The following AMBRA1 variants were observed in gnomAD, a reference collection of about 807,000 sequenced individuals.
The protein encoded by AMBRA1 is autophagy and beclin 1 regulator 1.
AMBRA1 carries 47 observed loss-of-function variants against 125.4 expected under a neutral mutation model. The observed-to-expected ratio is 0.37, with a 90% CI of 0.30 to 0.48. The LOEUF (loss-of-function observed/expected upper bound fraction) is 0.48. AMBRA1 is among the 20% of genes least tolerant of loss of function. The pLI is 0.99. For synonymous variants in AMBRA1, 626 were observed against 655.5 expected (o/e 0.95, Z 0.69); for missense variants, 1,331 against 1,693.4 (o/e 0.79, Z 3.76).
intron 7 of AMBRA1, among the ~76,000 whole-genome samples, chr11:46,532,020 G>A (rs1952238073): frequency 6.6e-6 from 1 of 152,058 alleles, no homozygotes; most frequent in Admixed American, 6.5e-5. Context: ...TCAGGAGGCT[G>A]AGGCAGGAGA....
At chr11:46,525,375 T>G (rs561559324) in intron 7 of AMBRA1, among the ~76,000 whole-genome samples, 113 of 152,104 alleles carry the variant, frequency 7.4e-4, no homozygotes, top group Middle Eastern at 6.8e-3. Context: ...GTGGATCACC[T>G]GAGGTCAGGA....
intron 7 of AMBRA1, among the ~76,000 whole-genome samples, chr11:46,537,924 G>T (rs902511686): frequency 3.9e-5 from 6 of 152,168 alleles, no homozygotes; most frequent in Non-Finnish European, 8.8e-5. Context: ...TACAAAAACA[G>T]GCTTTGTTAA....
intron 9 of AMBRA1, among the ~76,000 whole-genome samples, chr11:46,499,016 G>A (rs1333599049): frequency 6.6e-6 from 1 of 152,142 alleles, no homozygotes; most frequent in African/African-American, 2.4e-5. Flanking sequence ...GTGCACATAT[G>A]CAAGGGCTTT....
At chr11:46,432,650 G>A (rs1446991407) in intron 14 of AMBRA1, among the ~76,000 whole-genome samples, 1 of 152,202 alleles carries the variant, frequency 6.6e-6, no homozygotes, top group Non-Finnish European at 1.5e-5. Flanking sequence ...GAATTGGGTG[G>A]ATTAAACACA....
chr11:46,456,734 G>C (rs1948862393), intron 11 of AMBRA1, among the ~76,000 whole-genome samples: 1 of 152,202 alleles, frequency 6.6e-6, no homozygotes, highest in Non-Finnish European at 1.5e-5. Context: ...TTGCTGCAAA[G>C]AGGATGCAGA....
chr11:46,497,742 G>A (rs958498181), intron 9 of AMBRA1, among the ~76,000 whole-genome samples: 2 of 152,136 alleles, frequency 1.3e-5, no homozygotes, highest in African/African-American at 4.8e-5. Context: ...CAGGAAGAGG[G>A]GAAAAGGCCA....
In AMBRA1 at chr11:46,434,889, G is replaced by C. The variant is rs80098617; in HGVS notation, c.2781C>G (p.Ala927=). 9.9e-4 allele frequency: 1,591 copies of C among 1,613,462 alleles called. 13 individuals are homozygous for C. In the African/African-American group the frequency reaches 0.018, roughly 18 times the overall value. The stretch of plus-strand genomic sequence containing the variant: ...AGAGCATTTCGCCCAGGTTATGGGG[G>C]GCCAGGGAGTACACTGCCAGGATGC... ...DEGILAVYSL[A]PHNLGEMLYT... The change falls in exon 13 of 18, where the codon GCC becomes GCG. Residue 927 remains alanine (A), a synonymous_variant. Transcript: ENST00000683756.
intron 9 of AMBRA1, among the ~76,000 whole-genome samples, chr11:46,507,445 C>G (rs1412974495): frequency 6.6e-6 from 1 of 150,412 alleles, no homozygotes; most frequent in East Asian, 1.9e-4. Flanking sequence ...CGCCACTGCA[C>G]TCCAGCCTGA....
At chr11:46,496,799 T>G (rs2134989308) in intron 9 of AMBRA1, among the ~76,000 whole-genome samples, 1 of 150,010 alleles carries the variant, frequency 6.7e-6, no homozygotes, top group African/African-American at 2.5e-5. Flanking sequence ...AGTTTATCCC[T>G]TCATTTAAAA....
intron 1 of AMBRA1, among the ~76,000 whole-genome samples, chr11:46,581,532 G>A (rs559104397): frequency 5.1e-4 from 78 of 152,146 alleles, no homozygotes; most frequent in African/African-American, 1.5e-3. Context: ...ACGTGAGCCC[G>A]GAGGCAGAGC....
At chr11:46,530,342 C>A (rs1329063544) in intron 7 of AMBRA1, among the ~76,000 whole-genome samples, 1 of 152,176 alleles carries the variant, frequency 6.6e-6, no homozygotes, top group Non-Finnish European at 1.5e-5. Context: ...TTTAGATCAG[C>A]CTAGTAGGTG....
At chr11:46,398,479 G>A (rs1565114323) in intron 17 of AMBRA1, among the ~76,000 whole-genome samples, 1 of 152,176 alleles carries the variant, frequency 6.6e-6, no homozygotes, top group Non-Finnish European at 1.5e-5. Flanking sequence ...GAAGCTGAGA[G>A]TTATTTTTAT....
At chr11:46,582,011 G>A (rs1170237737) in intron 1 of AMBRA1, among the ~76,000 whole-genome samples, 1 of 151,070 alleles carries the variant, frequency 6.6e-6, no homozygotes, top group East Asian at 1.9e-4. Context: ...AGCTACTTGG[G>A]AAGCCGAGGT....
chr11:46,533,700 T>G (rs1952325564), intron 7 of AMBRA1, among the ~76,000 whole-genome samples: 1 of 152,206 alleles, frequency 6.6e-6, no homozygotes, highest in African/African-American at 2.4e-5. Context: ...ACTTAGCTCC[T>G]AGGTCTATTC....
Position 46,542,732 on chromosome 11 carries a change from G to A in AMBRA1, c.1285C>T (p.Arg429Cys), listed in dbSNP as rs200936140. ...GGGGGCATGGATTCCGCCTCAGAGC[G>A]GGAGTTCAGACTGAGTACTGTCCGG... Reference protein sequence around the residue: ...WTRTVLSLNSRSEAESMPPPR... With the variant: ...WTRTVLSLNSCSEAESMPPPR... Residue 429 changes from arginine (R) to cysteine (C), a missense_variant, in exon 7 of 18, where the codon CGC (arginine) becomes TGC (cysteine). Arg to Cys is a radical substitution (Grantham distance 180, BLOSUM62 -3). Coordinates refer to ENST00000683756, the MANE Select transcript of AMBRA1 (RefSeq NM_001387011.1). The surrounding 1 kb of genome is among the most constrained non-coding windows in gnomAD (Gnocchi z 5.9). The A allele has an allele frequency of 2.0e-5, 33 of 1,613,906 alleles. No homozygotes were observed. The highest frequency in any genetic ancestry group is 4.5e-5 in the East Asian group (2 of 44,874).
chr11:46,517,205 T>C (rs1951531222), intron 7 of AMBRA1, among the ~76,000 whole-genome samples: 2 of 145,600 alleles, frequency 1.4e-5, no homozygotes, highest in Non-Finnish European at 3.0e-5. Flanking sequence ...TGGAGTGCAA[T>C]GGTGCAATCT....
intron 11 of AMBRA1, among the ~76,000 whole-genome samples, chr11:46,492,743 G>A (rs921423980): frequency 6.6e-6 from 1 of 152,156 alleles, no homozygotes; most frequent in Non-Finnish European, 1.5e-5. Context: ...CTGTCACTAA[G>A]CTATTCAACC....
intron 11 of AMBRA1, among the ~76,000 whole-genome samples, chr11:46,447,241 A>C (rs1948334733): frequency 7.3e-6 from 1 of 137,568 alleles, no homozygotes; most frequent in African/African-American, 2.9e-5. Flanking sequence ...CTCTTATCGC[A>C]AAAAAAAAAA....
intron 14 of AMBRA1, among the ~76,000 whole-genome samples, chr11:46,418,674 C>CT (rs1355361125): frequency 6.6e-6 from 1 of 152,008 alleles, no homozygotes; most frequent in African/African-American, 2.4e-5. Flanking sequence ...CAGGATGACT[C>CT]TTAACTCATG....
Sources: allele counts gnomAD v4.1 joint callset (sites outside exome capture counted in the v4.1 genomes callset), GRCh38; gene constraint gnomAD v4.1.1; non-coding constraint Gnocchi (gnomAD v3.1); transcripts MANE v1.5; gene names NCBI Gene and HGNC (gene_info 2026-07-23, HGNC 2026-07-21).